Variants in RAD18 observed in about 807,000 individuals in gnomAD.
RAD18 encodes the protein E3 ubiquitin-protein ligase RAD18.
In RAD18, 47 loss-of-function variants were observed where a neutral mutation model predicts 60.4. The observed-to-expected ratio is 0.78, with a 90% confidence interval of 0.62 to 0.99. RAD18 has a LOEUF of 0.99. RAD18 is among the 50% of genes least tolerant of loss of function. The pLI, the probability that RAD18 is intolerant of heterozygous loss-of-function variation, is 0.00. For synonymous variants in RAD18, 225 were observed against 195.5 expected (o/e 1.15, Z -1.26); for missense variants, 640 against 593.3 (o/e 1.08, Z -0.82).
intron 3 of RAD18, 30 bp downstream of exon 3, chr3:8,948,478 TA>T: frequency 6.4e-7 from 1 of 1,572,830 alleles, no homozygotes; most frequent in Non-Finnish European, 8.7e-7. Flanking sequence ...CAGCAGTCAG[TA>T]AGTTTTAAAA....
intron 11 of RAD18, among the ~76,000 whole-genome samples, chr3:8,898,657 G>A (rs1174859092): frequency 6.6e-6 from 1 of 152,068 alleles, no homozygotes; most frequent in Non-Finnish European, 1.5e-5. Context: ...GGTAGGAAAA[G>A]TATCTACATA....
intron 11 of RAD18, among the ~76,000 whole-genome samples, chr3:8,892,674 T>C (rs1939712822): frequency 1.3e-5 from 2 of 152,190 alleles, no homozygotes; most frequent in African/African-American, 2.4e-5. Flanking sequence ...GCACAGCTTC[T>C]TCAGCAAAGT....
At chr3:8,894,759 CTTT>C (rs71625397) in intron 11 of RAD18, among the ~76,000 whole-genome samples, 3 of 120,798 alleles carry the variant, frequency 2.5e-5, no homozygotes, top group Non-Finnish European at 3.3e-5. Context: ...AGTTTAAGCG[CTTT>C]TTTTTTTTTT....
At chr3:8,955,800 C>T (rs578051754) in intron 2 of RAD18, among the ~76,000 whole-genome samples, 7 of 152,280 alleles carry the variant, frequency 4.6e-5, no homozygotes, top group Non-Finnish European at 7.4e-5. Flanking sequence ...AAAAGGCTTA[C>T]GAAGCCCCTA....
At chr3:8,918,128 AC>A (rs138808781) in intron 7 of RAD18, among the ~76,000 whole-genome samples, 1 of 151,932 alleles carries the variant, frequency 6.6e-6, no homozygotes, top group African/African-American at 2.4e-5. Flanking sequence ...GACCAGCCTG[AC>A]CAACATGGTG....
intron 2 of RAD18, among the ~76,000 whole-genome samples, chr3:8,949,909 C>G (rs571841954): frequency 2.6e-5 from 4 of 152,162 alleles, no homozygotes; most frequent in Non-Finnish European, 5.9e-5. Context: ...AGTTTTAGTT[C>G]CAGGAGTTCT....
intron 9 of RAD18, among the ~76,000 whole-genome samples, chr3:8,905,599 G>C (rs1049302597): frequency 6.6e-6 from 1 of 152,116 alleles, no homozygotes; most frequent in Non-Finnish European, 1.5e-5. Flanking sequence ...TAGCCAACCA[G>C]CTAAATGTGG....
At chr3:8,941,913 C>CTATA in intron 4 of RAD18, 109 bp from the exon 5 acceptor site, 1 of 1,032,662 alleles carries the variant, frequency 9.7e-7, no homozygotes. Context: ...AATACAGGAC[C>CTATA]TATACTATAA....
chr3:8,901,673 T>A (rs1013216286), intron 10 of RAD18, among the ~76,000 whole-genome samples: 1 of 152,202 alleles, frequency 6.6e-6, no homozygotes, highest in African/African-American at 2.4e-5. Flanking sequence ...TGCTATTTCA[T>A]GAGTGCAAAG....
intron 7 of RAD18, among the ~76,000 whole-genome samples, chr3:8,914,934 C>G (rs571946505): frequency 2.6e-5 from 4 of 151,898 alleles, no homozygotes; most frequent in South Asian, 4.2e-4. Context: ...GTCAGGAGAT[C>G]GAGACCATCC....
intron 7 of RAD18, among the ~76,000 whole-genome samples, chr3:8,923,024 A>AATGC (rs1394540172): frequency 6.6e-6 from 1 of 152,236 alleles, no homozygotes; most frequent in Non-Finnish European, 1.5e-5. Context: ...CCTCCAAAGG[A>AATGC]ATGCAGCTCC....
intron 7 of RAD18, among the ~76,000 whole-genome samples, chr3:8,920,648 G>A (rs6805195): frequency 0.014 from 1,706 of 120,266 alleles, 24 homozygotes; most frequent in African/African-American, 0.036. Context: ...GTAATATTCC[G>A]AAGACAAAAC....
intron 7 of RAD18, among the ~76,000 whole-genome samples, chr3:8,918,996 G>A (rs1374613371): frequency 6.6e-6 from 1 of 152,190 alleles, no homozygotes; most frequent in East Asian, 1.9e-4. Flanking sequence ...TCAAAGAGAA[G>A]GAAACTGGAG....
At chr3:8,932,833 C>T (rs891442405) in intron 7 of RAD18, among the ~76,000 whole-genome samples, 1 of 152,188 alleles carries the variant, frequency 6.6e-6, no homozygotes, top group Non-Finnish European at 1.5e-5. Flanking sequence ...CACGGGGGCT[C>T]ATGCCTGTAA....
rs1011173728 is a variant in RAD18 at position 8,898,956 on chromosome 3, A to G, written c.1260T>C (p.Asp420=). ...CTTGAATATCAATACAGCTAGAAGA[A>G]TCCTCTTCTCTGTCAGGTTCCAATT... is the stretch of plus-strand genomic sequence containing the variant. ...PEELEPDREE[D]SSSCIDIQEV... Residue 420 remains aspartate (D), a synonymous_variant, in exon 11 of 13, where the codon GAT becomes GAC. Transcript: ENST00000264926. 2 of 1,608,408 alleles carry G rather than the reference A, an allele frequency of 1.2e-6. No individual in the cohort carries two copies. Among genetic ancestry groups the G allele is most frequent in the African/African-American group, 2.7e-5 (2 of 74,788 alleles).
At chr3:8,961,453 T>C (rs1466879442) in intron 1 of RAD18, among the ~76,000 whole-genome samples, 2 of 152,210 alleles carry the variant, frequency 1.3e-5, no homozygotes, top group Non-Finnish European at 1.5e-5. Flanking sequence ...CAGAAAAACA[T>C]ACATGCAAAA....
chr3:8,886,417 G>T (rs1030240994), intron 12 of RAD18, among the ~76,000 whole-genome samples: 2 of 152,154 alleles, frequency 1.3e-5, no homozygotes, highest in African/African-American at 4.8e-5. Flanking sequence ...TCAGCTGATG[G>T]CTTAAAATTT....
At position 8,881,468 on chromosome 3, in the gene RAD18, A is replaced by G. The variant is rs1939461515; in HGVS notation, c.1386-9T>C. ...TGTCTTGAAGATCGTTTCTGAAGACAGAAAAAGGAAATGACATCTTGGAAA... is the reference window on the plus strand; with the variant it reads ...TGTCTTGAAGATCGTTTCTGAAGACGGAAAAAGGAAATGACATCTTGGAAA... On this transcript the variant is annotated splice_polypyrimidine_tract_variant and intron_variant, in intron 12 of 12. Transcript: ENST00000264926. The G allele has an allele frequency of 1.1e-5, 18 of 1,573,312 alleles. No homozygotes were observed. The highest frequency in any genetic ancestry group is 1.4e-5 in the Non-Finnish European group (16 of 1,144,490).
chr3:8,948,706 C>A, intron 2 of RAD18, 136 bp from the exon 3 acceptor site: 1 of 654,768 alleles, frequency 1.5e-6, no homozygotes, highest in Non-Finnish European at 2.6e-6. Context: ...ATTTCTAGTA[C>A]CTCTACTCTA....
Sources: allele counts gnomAD v4.1 joint callset (sites outside exome capture counted in the v4.1 genomes callset), GRCh38; gene constraint gnomAD v4.1.1; transcripts MANE v1.5; gene names NCBI Gene and HGNC (gene_info 2026-07-23, HGNC 2026-07-21).